The following COG5 variants were observed in gnomAD, a reference collection of about 807,000 sequenced individuals.
COG5 encodes component of oligomeric golgi complex 5.
COG5 carries 86 observed loss-of-function variants against 110.4 expected under a neutral mutation model. The ratio of observed to expected loss-of-function variants is 0.78; its 90% CI spans 0.65 to 0.93. The LOEUF is 0.93. Among genes scored for constraint, COG5 ranks in the 40% least tolerant of loss-of-function variants. COG5 has a pLI of 0.00. For synonymous variants in COG5, 360 were observed against 334.6 expected (o/e 1.08, Z -0.83); for missense variants, 1,077 against 987.0 (o/e 1.09, Z -1.22).
chr7:107,327,798 A>G (rs1276167486), intron 10 of COG5, among the ~76,000 whole-genome samples: 1 of 152,174 alleles, frequency 6.6e-6, no homozygotes, highest in Non-Finnish European at 1.5e-5. Context: ...CTGGTAAATA[A>G]CAAGTCTCAG....
At chr7:107,468,677 T>C (rs1796448944) in intron 6 of COG5, among the ~76,000 whole-genome samples, 1 of 152,258 alleles carries the variant, frequency 6.6e-6, no homozygotes, top group South Asian at 2.1e-4. Flanking sequence ...TATTCCCCTA[T>C]AAAGATTCAA....
At chr7:107,543,188 A>G (rs910550123) in intron 5 of COG5, among the ~76,000 whole-genome samples, 1 of 152,182 alleles carries the variant, frequency 6.6e-6, no homozygotes, top group Admixed American at 6.5e-5. Context: ...CATCTTCACA[A>G]AAGTTAAAGA....
chr7:107,507,529 G>C (rs1333683409), intron 6 of COG5, among the ~76,000 whole-genome samples: 5 of 141,602 alleles, frequency 3.5e-5, no homozygotes, highest in African/African-American at 5.3e-5. Context: ...CGATGGTCTT[G>C]ATCTCCAGAC....
At chr7:107,426,258 T>C (rs1793636358) in intron 6 of COG5, among the ~76,000 whole-genome samples, 1 of 152,194 alleles carries the variant, frequency 6.6e-6, no homozygotes, top group Non-Finnish European at 1.5e-5. Context: ...ACTCATTTAA[T>C]ACAACAACTC....
intron 6 of COG5, among the ~76,000 whole-genome samples, chr7:107,420,456 G>C (rs1178098365): frequency 2.0e-5 from 3 of 152,110 alleles, no homozygotes; most frequent in East Asian, 3.9e-4. Flanking sequence ...ACAAACACAG[G>C]TTAAAATTTG....
In COG5 at chr7:107,211,272, T is replaced by C. The variant is rs376350593; in HGVS notation, c.2169-47A>G. The C allele has an allele frequency of 6.3e-6, 10 of 1,599,022 alleles. No homozygotes were observed. In the African/African-American group the frequency reaches 1.3e-4, roughly 21 times the overall value. ...TATTTCACACTGTTCAATACTGAAA[T>C]AGGTGATTTGGTGGGAGAATCATTC... On this transcript the variant is annotated intron_variant, in intron 19 of 21. Coordinates refer to ENST00000297135, the MANE Select transcript of COG5 (RefSeq NM_006348.5).
intron 10 of COG5, among the ~76,000 whole-genome samples, chr7:107,344,423 G>T (rs898422348): frequency 2.6e-5 from 4 of 152,134 alleles, no homozygotes; most frequent in African/African-American, 7.2e-5. Context: ...TTAGGATATT[G>T]CTCTTGATTA....
At chr7:107,554,817 A>AC (rs1803187597) in intron 2 of COG5, among the ~76,000 whole-genome samples, 1 of 152,038 alleles carries the variant, frequency 6.6e-6, no homozygotes, top group African/African-American at 2.4e-5. Context: ...CCTGCACTAA[A>AC]CCCTAGTAAG....
At chr7:107,339,208 A>G (rs1254343156) in intron 10 of COG5, among the ~76,000 whole-genome samples, 1 of 152,154 alleles carries the variant, frequency 6.6e-6, no homozygotes, top group Non-Finnish European at 1.5e-5. Flanking sequence ...AATAAAAAAG[A>G]GCAGAGGTCA....
chr7:107,549,634 C>T (rs1000580345), intron 3 of COG5, among the ~76,000 whole-genome samples: 1 of 151,164 alleles, frequency 6.6e-6, no homozygotes, highest in Admixed American at 6.6e-5. Context: ...GACCTCCTGA[C>T]CTCGTGATCC....
chr7:107,488,253 A>G (rs1010412623), intron 6 of COG5, among the ~76,000 whole-genome samples: 3 of 151,746 alleles, frequency 2.0e-5, no homozygotes, highest in Non-Finnish European at 4.4e-5. Context: ...ATAACCAAAC[A>G]TAAGTGTAAA....
rs146546341 is a variant in COG5 at position 107,468,435 on chromosome 7, G to A, written c.539-55803C>T. On this transcript the variant is annotated intron_variant, in intron 6 of 21. Coordinates refer to ENST00000297135, the MANE Select transcript of COG5 (RefSeq NM_006348.5). ...TGTGTGCTGTGGTGTGTGTGTGTGT[G>A]TGTGTGTTTCGGTGTGTGTAAGTTT... 2.6e-5 allele frequency among the ~76,000 whole-genome samples: 4 copies of A among 152,182 alleles called. No homozygotes were observed. In the East Asian group the frequency reaches 7.7e-4, roughly 29 times the overall value.
chr7:107,427,639 A>G (rs898902234), intron 6 of COG5, among the ~76,000 whole-genome samples: 10 of 151,718 alleles, frequency 6.6e-5, no homozygotes, highest in African/African-American at 2.4e-4. Flanking sequence ...CCTCCACCGA[A>G]GCCTCGCTCA....
At chr7:107,229,845 G>GTTTTTTTTTTTTTTTTTTTTTTTTTTTTT (rs869077755) in intron 19 of COG5, among the ~76,000 whole-genome samples, 1 of 122,102 alleles carries the variant, frequency 8.2e-6, no homozygotes, top group East Asian at 2.4e-4. Flanking sequence ...TTTGGTTTTT[G>GTTTTTTTTTTTTTTTTTTTTTTTTTTTTT]TTTTTTTTTT....
At chr7:107,268,489 G>A (rs983628731) in intron 14 of COG5, among the ~76,000 whole-genome samples, 7 of 152,238 alleles carry the variant, frequency 4.6e-5, no homozygotes, top group African/African-American at 1.7e-4. Flanking sequence ...TTCTATGATT[G>A]TGTTTGCCAT....
At chr7:107,290,486 T>C (rs1451949211) in intron 12 of COG5, among the ~76,000 whole-genome samples, 3 of 152,162 alleles carry the variant, frequency 2.0e-5, no homozygotes, top group African/African-American at 7.2e-5. Context: ...AAGAAGAAAA[T>C]GTGTGTTTAT....
At chr7:107,554,423 T>C (rs746512451) in intron 2 of COG5, 81 bp from the exon 3 acceptor site, 90 of 1,246,660 alleles carry the variant, frequency 7.2e-5, no homozygotes, top group Non-Finnish European at 1.0e-4. Flanking sequence ...GGACAGTCTC[T>C]CTTGGTGTAG....
chr7:107,234,528 T>C (rs950521460), intron 18 of COG5, among the ~76,000 whole-genome samples: 6 of 152,136 alleles, frequency 3.9e-5, no homozygotes, highest in Admixed American at 1.3e-4. Context: ...TAAGGGAACA[T>C]ATTAAAATAA....
At chr7:107,547,547 A>G (rs1802538566) in intron 5 of COG5, among the ~76,000 whole-genome samples, 1 of 152,236 alleles carries the variant, frequency 6.6e-6, no homozygotes, top group Non-Finnish European at 1.5e-5. Flanking sequence ...AGTGAGAAAT[A>G]AAAGGCATCC....
Sources: allele counts gnomAD v4.1 joint callset (sites outside exome capture counted in the v4.1 genomes callset), GRCh38; gene constraint gnomAD v4.1.1; transcripts MANE v1.5; gene names NCBI Gene and HGNC (gene_info 2026-07-23, HGNC 2026-07-21).